LIMCH1: variants seen among roughly 807,000 people sequenced by gnomAD.
LIMCH1 encodes LIM and calponin homology domains 1.
A neutral mutation model predicts 176.5 loss-of-function variants in LIMCH1; 113 were observed. That is an observed-to-expected ratio of 0.64 (90% CI 0.55 to 0.75). LIMCH1 has a LOEUF of 0.75. Ranked by LOEUF, LIMCH1 falls within the 30% of genes least tolerant of loss-of-function variation. The pLI is 0.00. For missense variants in LIMCH1, 1,674 were observed against 1,814.9 expected (o/e 0.92, Z 1.41); for synonymous variants, 619 against 645.9 (o/e 0.96, Z 0.63).
rs749792094 is a variant in LIMCH1, at chr4:41,666,586, C to G, written c.3317C>G (p.Pro1106Arg). 1 of 1,613,902 alleles carries G rather than the reference C, an allele frequency of 6.2e-7. No homozygotes were observed. Among genetic ancestry groups the G allele is most frequent in the Non-Finnish European group, 8.5e-7 (1 of 1,179,860 alleles). The change falls in exon 21 of 32, where the codon CCC becomes CGC. Residue 1106 changes from proline (P) to arginine (R), a missense_variant. This residue lies in a region of LIMCH1 where 1,015 missense variants were observed against 1,102.5 expected (regional missense o/e 0.92). Coordinates refer to ENST00000503057, the MANE Select transcript of LIMCH1 (RefSeq NM_001330672.2). ...QKVVKPKSPEPEATLTFPFLD... is the reference protein window; with the variant it reads ...QKVVKPKSPEREATLTFPFLD... ...GTGGTAAAGCCAAAATCTCCAGAAC[C>G]CGAAGCAACGCTGACATTTCCATTT...
chr4:41,427,637 T>C (rs1002358420), intron 1 of LIMCH1, among the ~76,000 whole-genome samples: 1 of 152,228 alleles, frequency 6.6e-6, no homozygotes, highest in African/African-American at 2.4e-5. Context: ...GTTGATTGTT[T>C]GTTTTTCTGG....
chr4:41,468,674 G>T (rs1231659322), intron 1 of LIMCH1, among the ~76,000 whole-genome samples: 2 of 151,818 alleles, frequency 1.3e-5, no homozygotes, highest in African/African-American at 2.4e-5. Context: ...AGAGTTTTGG[G>T]TAAGGCATGT....
intron 7 of LIMCH1, among the ~76,000 whole-genome samples, 158 bp from the exon 8 acceptor site, chr4:41,626,550 T>A (rs2092962410): frequency 6.6e-6 from 1 of 152,190 alleles, no homozygotes; most frequent in Non-Finnish European, 1.5e-5. Flanking sequence ...CCACCCTAAC[T>A]ATGCTGCAAT....
chr4:41,378,900 A>G (rs2055200418), intron 1 of LIMCH1, among the ~76,000 whole-genome samples: 1 of 152,214 alleles, frequency 6.6e-6, no homozygotes, highest in Admixed American at 6.5e-5. Flanking sequence ...CATTTATTAT[A>G]TAACAATGAG....
At chr4:41,433,580 A>G (rs1364155130) in intron 1 of LIMCH1, among the ~76,000 whole-genome samples, 2 of 152,030 alleles carry the variant, frequency 1.3e-5, no homozygotes, top group East Asian at 3.9e-4. Flanking sequence ...TCTACCTGGC[A>G]GGTTTGGGCG....
Position 41,697,178 on chromosome 4 carries a change from C to T in LIMCH1, c.4397C>T (p.Thr1466Ile). The T allele has an allele frequency of 6.2e-7, 1 of 1,613,608 alleles. No homozygotes were observed. The highest frequency in any genetic ancestry group is 1.1e-5 in the South Asian group (1 of 91,020). Residue 1466 changes from threonine (T) to isoleucine (I), a missense_variant, in exon 32 of 32, where the codon ACA (threonine) becomes ATA (isoleucine). Transcript: ENST00000503057. ...MRSRSAGQPT[T>I]L The stretch of plus-strand genomic sequence containing the variant: ...ATCACAGGTGCCGGGCAGCCTACAA[C>T]ATTGTGACACGGCTTTCAAGCTTCC...
intron 1 of LIMCH1, among the ~76,000 whole-genome samples, chr4:41,444,550 C>T (rs2063075619): frequency 6.6e-6 from 1 of 152,116 alleles, no homozygotes; most frequent in Admixed American, 6.5e-5. Flanking sequence ...AACACAATGG[C>T]GTCTTTGTCT....
chr4:41,449,485 G>A (rs562907957), intron 1 of LIMCH1, among the ~76,000 whole-genome samples: 2 of 152,238 alleles, frequency 1.3e-5, no homozygotes, highest in Non-Finnish European at 2.9e-5. Context: ...CCCAGGGATT[G>A]GACTTGTACC....
intron 1 of LIMCH1, among the ~76,000 whole-genome samples, chr4:41,438,763 CA>C (rs1026768013): frequency 5.3e-4 from 80 of 151,924 alleles, no homozygotes; most frequent in African/African-American, 1.8e-3. Context: ...TGCACAGGAT[CA>C]GCATGCTGCT....
chr4:41,450,287 A>G lies in LIMCH1; in HGVS notation c.97-44249A>G, dbSNP rs531584091. 7.7e-4 allele frequency among the ~76,000 whole-genome samples: 117 copies of G among 152,132 alleles called. 1 individual carries two copies. The highest frequency in any genetic ancestry group is 2.8e-4 in the Non-Finnish European group (19 of 67,984). On this transcript the variant is annotated intron_variant, in intron 1 of 26. Transcript: ENST00000313860. The stretch of plus-strand genomic sequence containing the variant: ...TATTTATATTTATTTCATCAAGTCA[A>G]TTTTATAGATTTATTGGGTTTGGGG...
intron 7 of LIMCH1, among the ~76,000 whole-genome samples, chr4:41,623,685 C>T (rs1288563782): frequency 4.6e-5 from 7 of 152,080 alleles, no homozygotes; most frequent in African/African-American, 1.7e-4. Flanking sequence ...TGCTTGAACC[C>T]GGGAGGCAGA....
At chr4:41,516,717 A>T (rs1193866068) in intron 2 of LIMCH1, among the ~76,000 whole-genome samples, 1 of 152,210 alleles carries the variant, frequency 6.6e-6, no homozygotes, top group Non-Finnish European at 1.5e-5. Flanking sequence ...TTAGTGTTTT[A>T]GTATTAAGAG....
At chr4:41,601,799 A>G (rs2089970397) in intron 2 of LIMCH1, among the ~76,000 whole-genome samples, 1 of 152,154 alleles carries the variant, frequency 6.6e-6, no homozygotes, top group Non-Finnish European at 1.5e-5. Context: ...TGCTGGTTTA[A>G]TTTGGCACTG....
intron 1 of LIMCH1, among the ~76,000 whole-genome samples, chr4:41,589,210 C>T (rs2087034843): frequency 6.6e-6 from 1 of 152,114 alleles, no homozygotes; most frequent in Admixed American, 6.5e-5. Context: ...AGAAGAGGGA[C>T]TAAGGTAAAA....
At chr4:41,671,108 C>A in intron 21 of LIMCH1, 1 of 548,234 alleles carries the variant, frequency 1.8e-6, no homozygotes, top group South Asian at 8.1e-5. Context: ...GATCATAGTT[C>A]TCTTGTTAAC....
intron 1 of LIMCH1, among the ~76,000 whole-genome samples, chr4:41,388,138 A>G (rs1391777675): frequency 6.6e-6 from 1 of 152,182 alleles, no homozygotes; most frequent in Non-Finnish European, 1.5e-5. Flanking sequence ...AGACCCAGCA[A>G]TTCTACTTTT....
chr4:41,488,349 A>G (rs1284555104), intron 1 of LIMCH1, among the ~76,000 whole-genome samples: 4 of 152,192 alleles, frequency 2.6e-5, no homozygotes, highest in East Asian at 1.9e-4. Flanking sequence ...AGATTCTGGG[A>G]AAAAAATGCC....
intron 1 of LIMCH1, among the ~76,000 whole-genome samples, chr4:41,443,883 A>G (rs1037415214): frequency 1.9e-4 from 29 of 152,206 alleles, no homozygotes; most frequent in African/African-American, 5.8e-4. Context: ...ATTTCTGTCT[A>G]TATTGCTGAC....
intron 1 of LIMCH1, among the ~76,000 whole-genome samples, chr4:41,553,799 G>A (rs1242753124): frequency 1.3e-5 from 2 of 152,142 alleles, no homozygotes; most frequent in Admixed American, 6.5e-5. Flanking sequence ...GGGACTGGAG[G>A]CCAGTTTTGG....
Sources: gnomAD v4.1 joint callset for allele counts (sites outside exome capture counted in the v4.1 genomes callset) on GRCh38, gnomAD v4.1.1 for gene constraint, gnomAD v4.1.1 regional missense constraint, MANE v1.5 for transcripts, NCBI Gene and HGNC (gene_info 2026-07-23, HGNC 2026-07-21) for gene names.